ADAM19: variants seen among roughly 807,000 people sequenced by gnomAD.
The protein encoded by ADAM19 is disintegrin and metalloproteinase domain-containing protein 19.
A neutral mutation model predicts 114.7 loss-of-function variants in ADAM19; 65 were observed. That is an observed-to-expected ratio of 0.57 (90% CI 0.46 to 0.70). The LOEUF (loss-of-function observed/expected upper bound fraction) is 0.70, where lower values mean the gene tolerates loss of function less well. Ranked by LOEUF, ADAM19 falls within the 30% of genes least tolerant of loss-of-function variation. ADAM19 has a pLI of 0.00. For missense variants in ADAM19, 1,063 were observed against 1,204.7 expected, an observed-to-expected ratio of 0.88 and a Z score of 1.74; for synonymous variants, 466 against 460.5, an observed-to-expected ratio of 1.01 and a Z score of -0.15.
At position 157,518,849 on chromosome 5, in the gene ADAM19, G is replaced by A. The variant is rs1483668821; in HGVS notation, c.640C>T (p.Leu214Phe). Reference sequence around the variant, plus strand: ...TCTAAATAATCAGCCACGAGGTAAAGCTCCACATACTTCATGGAGTTTAAA... The same window carrying A: ...TCTAAATAATCAGCCACGAGGTAAAACTCCACATACTTCATGGAGTTTAAA... ...EDLNSMKYVE[L>F]YLVADYLEFQ... Residue 214 changes from leucine to phenylalanine, a missense_variant, in exon 7 of 23, where the codon CTT (leucine) becomes TTT (phenylalanine). Coordinates refer to ENST00000257527, the MANE Select transcript of ADAM19 (RefSeq NM_033274.5). The A allele has an allele frequency of 1.2e-6, 2 of 1,613,964 alleles. No homozygotes were observed. The highest frequency in any genetic ancestry group is 1.7e-6 in the Non-Finnish European group (2 of 1,179,918).
rs59295265 is a variant in ADAM19, at chr5:157,506,848, C to T, written c.990+208G>A. Among the ~76,000 whole-genome samples the T allele has an allele frequency of 1.7e-3, 256 of 152,234 alleles. 1 individual carries two copies. Among genetic ancestry groups the T allele is most frequent in the South Asian group, 0.016 (76 of 4,818 alleles). ...TTCAGGGTTCCTGAGCTTGAAGATA[C>T]GGAATGAACTATAATAAATGAAAAT... On this transcript the variant is annotated intron_variant, in intron 10 of 22. Coordinates refer to ENST00000257527, the MANE Select transcript of ADAM19 (RefSeq NM_033274.5).
At chr5:157,572,824 C>T (rs1283134122) in intron 1 of ADAM19, among the ~76,000 whole-genome samples, 2 of 152,220 alleles carry the variant, frequency 1.3e-5, no homozygotes, top group East Asian at 1.9e-4. Flanking sequence ...CCGAGGTGGG[C>T]GGATCACCTG....
intron 3 of ADAM19, among the ~76,000 whole-genome samples, chr5:157,546,468 C>T (rs1757050167): frequency 6.6e-6 from 1 of 152,180 alleles, no homozygotes; most frequent in Admixed American, 6.5e-5. Context: ...CCTTTGCATT[C>T]TTACCCAAGC....
intron 3 of ADAM19, among the ~76,000 whole-genome samples, chr5:157,547,237 A>G (rs1188917864): frequency 6.6e-6 from 1 of 152,218 alleles, no homozygotes; most frequent in East Asian, 1.9e-4. Context: ...TAAAGATCCA[A>G]GGAAAGAGGT....
At chr5:157,542,769 C>A (rs907169163) in intron 3 of ADAM19, among the ~76,000 whole-genome samples, 2 of 152,230 alleles carry the variant, frequency 1.3e-5, no homozygotes, top group Non-Finnish European at 2.9e-5. Flanking sequence ...TGCACCACTG[C>A]ACTCCAGCCT....
At chr5:157,539,609 A>G (rs1756863805) in intron 3 of ADAM19, among the ~76,000 whole-genome samples, 1 of 152,250 alleles carries the variant, frequency 6.6e-6, no homozygotes, top group Non-Finnish European at 1.5e-5. Flanking sequence ...GAAGCCCAAC[A>G]GGAAAATGTA....
chr5:157,533,821 T>C (rs1756689466), intron 4 of ADAM19, among the ~76,000 whole-genome samples: 1 of 151,834 alleles, frequency 6.6e-6, no homozygotes. Context: ...TACAAAAAAT[T>C]AGCTGGGCAT....
intron 2 of ADAM19, 149 bp downstream of exon 2, chr5:157,570,746 T>C: frequency 3.3e-6 from 2 of 611,726 alleles, no homozygotes; most frequent in Non-Finnish European, 5.8e-6. Flanking sequence ...GAAAGTCCCA[T>C]CTGTGATCTC....
intron 2 of ADAM19, among the ~76,000 whole-genome samples, chr5:157,569,416 CT>C (rs1196722802): frequency 0.078 from 7,669 of 97,852 alleles, 184 homozygotes; most frequent in African/African-American, 0.21. Flanking sequence ...AGCTAATTTT[CT>C]TTTTTTTTTT....
Position 157,490,428 on chromosome 5 carries a change from A to G in ADAM19, c.2122T>C (p.Leu708=), listed in dbSNP as rs1421760183. The part of the protein sequence containing the change: ...ESVGPVVAGV[L]VAILVLAVLM... Reference sequence around the variant, plus strand: ...ACCGCCAGCACCAAGATGGCCACCAACACTCCAGCTACCACAGGACCCACA... The same window carrying G: ...ACCGCCAGCACCAAGATGGCCACCAGCACTCCAGCTACCACAGGACCCACA... Residue 708 remains leucine, a synonymous_variant, in exon 19 of 23, where the codon TTG becomes CTG. Coordinates refer to ENST00000257527, the MANE Select transcript of ADAM19 (RefSeq NM_033274.5). 1 of 1,614,156 alleles carries G rather than the reference A, an allele frequency of 6.2e-7. No homozygotes were observed. The highest frequency in any genetic ancestry group is 8.5e-7 in the Non-Finnish European group (1 of 1,180,044).
intron 1 of ADAM19, among the ~76,000 whole-genome samples, chr5:157,573,560 A>G (rs939295362): frequency 3.3e-5 from 5 of 152,198 alleles, no homozygotes; most frequent in Non-Finnish European, 7.3e-5. Flanking sequence ...AGCCTGGCCA[A>G]CATGGTGAAA....
chr5:157,507,169 G>C lies in ADAM19; in HGVS notation c.906-29C>G, dbSNP rs562896427. On this transcript the variant is annotated intron_variant, in intron 9 of 22. Coordinates refer to ENST00000257527, the MANE Select transcript of ADAM19 (RefSeq NM_033274.5). The stretch of plus-strand genomic sequence containing the variant: ...CAGGAGGCAAGGAGAGACGGTGACC[G>C]GGGACGAGACTAAGAGGGCTGTTCC... The C allele has an allele frequency of 3.1e-6, 5 of 1,607,344 alleles. No individual in the cohort carries two copies. In the South Asian group the frequency reaches 5.5e-5, roughly 18 times the overall value.
intron 3 of ADAM19, among the ~76,000 whole-genome samples, chr5:157,540,195 T>A (rs1376650110): frequency 6.6e-6 from 1 of 152,246 alleles, no homozygotes; most frequent in Admixed American, 6.5e-5. Flanking sequence ...ACAGGGATTA[T>A]GACAGAAGAA....
At chr5:157,539,441 G>T (rs1283663367) in intron 3 of ADAM19, among the ~76,000 whole-genome samples, 1 of 152,114 alleles carries the variant, frequency 6.6e-6, no homozygotes, top group Non-Finnish European at 1.5e-5. Flanking sequence ...CATCGCAGAG[G>T]GTCTCTAGAA....
chr5:157,574,496 G>A (rs994123870), intron 1 of ADAM19, among the ~76,000 whole-genome samples: 1 of 152,156 alleles, frequency 6.6e-6, no homozygotes, highest in African/African-American at 2.4e-5. Flanking sequence ...CCGAACTGTC[G>A]GAAGAGCTCT....
Position 157,570,997 on chromosome 5 carries a change from C to T in ADAM19, c.95-17G>A. 2 of 1,612,386 alleles carry T rather than the reference C, an allele frequency of 1.2e-6. No individual in the cohort carries two copies. The highest frequency in any genetic ancestry group is 1.7e-6 in the Non-Finnish European group (2 of 1,178,864). ...CACTTCCTCCTGCCAATACAAGATGCAAAACCATTGGAATCCCAGACCTCT... is the reference window on the plus strand; with the variant it reads ...CACTTCCTCCTGCCAATACAAGATGTAAAACCATTGGAATCCCAGACCTCT... On this transcript the variant is annotated splice_polypyrimidine_tract_variant and intron_variant, in intron 1 of 22. Coordinates refer to ENST00000257527, the MANE Select transcript of ADAM19 (RefSeq NM_033274.5).
chr5:157,477,855 C>CA lies in ADAM19; in HGVS notation c.*3093dup, dbSNP rs1754638104. The CA allele has an allele frequency of 5.8e-6, 3 of 513,246 alleles. No individual in the cohort carries two copies. The highest frequency in any genetic ancestry group is 1.9e-5 in the South Asian group (1 of 53,382). The allele number at this position is 513,246 out of a possible 1,614,324, so 31.8% of individuals were successfully genotyped here. ...TCAGGGGGAAGGGACTATGGCAATA[C>CA]AAAAAAACACTCCAACCAGAAAATC... On this transcript the variant is annotated 3_prime_UTR_variant, in exon 23 of 23. Coordinates refer to ENST00000257527, the MANE Select transcript of ADAM19 (RefSeq NM_033274.5).
intron 10 of ADAM19, 138 bp downstream of exon 10, chr5:157,506,918 T>C: frequency 1.4e-6 from 1 of 704,310 alleles, no homozygotes; most frequent in South Asian, 1.8e-5. Context: ...TGACTTCATT[T>C]TAAACAATTG....
intron 11 of ADAM19, among the ~76,000 whole-genome samples, chr5:157,504,599 A>G (rs192923194): frequency 2.8e-4 from 43 of 152,252 alleles, no homozygotes; most frequent in Admixed American, 1.1e-3. Flanking sequence ...TAAAAAATTG[A>G]CACCAGAGCT....
Sources: allele counts gnomAD v4.1 joint callset (sites outside exome capture counted in the v4.1 genomes callset), GRCh38; gene constraint gnomAD v4.1.1; transcripts MANE v1.5; gene names NCBI Gene and HGNC (gene_info 2026-07-23, HGNC 2026-07-21).